The following RANBP17 variants were observed in gnomAD, a reference collection of about 807,000 sequenced individuals.
RANBP17 encodes ran-binding protein 17.
Under a neutral mutation model 141.2 loss-of-function variants are expected in RANBP17, and 158 were observed. The observed-to-expected ratio is 1.12, with a 90% CI of 0.98 to 1.28. The LOEUF (loss-of-function observed/expected upper bound fraction) is 1.28, where lower values mean the gene tolerates loss of function less well. RANBP17 is among the 50% of genes most tolerant of loss of function. The pLI is 0.00. For missense variants in RANBP17, 1,438 were observed against 1,290.7 expected (o/e 1.11, Z -1.75); for synonymous variants, 430 against 450.0 (o/e 0.96, Z 0.56).
In RANBP17 at chr5:170,884,983, C is replaced by CA. The variant is rs578021547; in HGVS notation, c.256+3089dup. On this transcript the variant is annotated intron_variant, in intron 3 of 27. Transcript: ENST00000523189. ...GGTTTCTCCCTTGTGTAAAACTTAG[C>CA]AATTTGTAGGAAACTTTGATCTTTT... 1.4e-3 allele frequency among the ~76,000 whole-genome samples: 214 copies of CA among 152,074 alleles called. 1 individual carries two copies. Among genetic ancestry groups the CA allele is most frequent in the African/African-American group, 4.7e-3 (195 of 41,498 alleles).
Position 170,953,691 on chromosome 5 carries a change from A to T in RANBP17, c.1563A>T (p.Glu521Asp). The change falls in exon 13 of 28, where the codon GAA (glutamate) becomes GAT (aspartate). Residue 521 changes from glutamate to aspartate, a missense_variant. Coordinates refer to ENST00000523189, the MANE Select transcript of RANBP17 (RefSeq NM_022897.5). ...STDEHDAMDGELSCRVFQLIS... is the reference protein window; with the variant it reads ...STDEHDAMDGDLSCRVFQLIS... ...ATGAGCATGATGCTATGGATGGAGA[A>T]TTATCCTGTCGGTAAGTAAGAGCTA... 3.8e-6 allele frequency: 6 copies of T among 1,597,310 alleles called. No homozygotes were observed. The highest frequency in any genetic ancestry group is 5.1e-6 in the Non-Finnish European group (6 of 1,165,854).
intron 14 of RANBP17, among the ~76,000 whole-genome samples, chr5:171,062,130 C>A (rs2127674055): frequency 6.6e-6 from 1 of 151,644 alleles, no homozygotes; most frequent in African/African-American, 2.4e-5. Context: ...CAGTCTGTGT[C>A]TTTTAATTGG....
chr5:171,077,359 CAAGGT>C (rs769242467), intron 14 of RANBP17, among the ~76,000 whole-genome samples: 1 of 151,574 alleles, frequency 6.6e-6, no homozygotes, highest in Non-Finnish European at 1.5e-5. Flanking sequence ...AAGAAGTGTA[CAAGGT>C]AAGTTATGAA....
rs561803481 is a variant in RANBP17 at position 171,034,955 on chromosome 5, G to A, written c.1710+66578G>A. 5.3e-3 allele frequency among the ~76,000 whole-genome samples: 804 copies of A among 152,012 alleles called. 2 individuals are homozygous for A. Among genetic ancestry groups the A allele is most frequent in the Non-Finnish European group, 8.2e-3 (559 of 67,966 alleles). Reference sequence around the variant, plus strand: ...CTCCTGCCTCAGCCTCCTGAGAACTGGGACCATAGGCATGAGCCACCACAG... The same window carrying A: ...CTCCTGCCTCAGCCTCCTGAGAACTAGGACCATAGGCATGAGCCACCACAG... On this transcript the variant is annotated intron_variant, in intron 14 of 27. Transcript: ENST00000523189.
intron 14 of RANBP17, among the ~76,000 whole-genome samples, chr5:171,107,218 C>T (rs1173753905): frequency 1.3e-5 from 2 of 152,190 alleles, no homozygotes; most frequent in Non-Finnish European, 2.9e-5. Context: ...ACATGGTCAG[C>T]CTCACATTCT....
chr5:171,026,915 C>T (rs945869551), intron 14 of RANBP17, among the ~76,000 whole-genome samples: 3 of 152,238 alleles, frequency 2.0e-5, no homozygotes, highest in Admixed American at 6.5e-5. Flanking sequence ...GTGAGCGGTG[C>T]GTGAGAAACA....
At chr5:171,207,879 A>G (rs544625636) in intron 20 of RANBP17, 1 of 152,362 alleles carries the variant, frequency 6.6e-6, no homozygotes, top group South Asian at 2.1e-4. Context: ...AAAAAGCTTT[A>G]TTAAAATATT....
At chr5:170,953,732 T>C in intron 13 of RANBP17, 30 bp downstream of exon 13, 1 of 1,415,872 alleles carries the variant, frequency 7.1e-7, no homozygotes, top group South Asian at 1.2e-5. Flanking sequence ...TTTACTGAAA[T>C]TCACTAAATA....
At chr5:171,247,088 T>G (rs1029700875) in intron 24 of RANBP17, among the ~76,000 whole-genome samples, 1 of 152,180 alleles carries the variant, frequency 6.6e-6, no homozygotes, top group Non-Finnish European at 1.5e-5. Context: ...AAGCTGTGGC[T>G]CAGAGAGGTG....
intron 14 of RANBP17, among the ~76,000 whole-genome samples, chr5:171,092,989 A>C (rs1245965594): frequency 6.6e-6 from 1 of 152,218 alleles, no homozygotes; most frequent in African/African-American, 2.4e-5. Context: ...GTGGGAAGAC[A>C]AGTGTATTGT....
intron 5 of RANBP17, among the ~76,000 whole-genome samples, chr5:170,903,221 C>T (rs1399109759): frequency 1.3e-5 from 2 of 152,242 alleles, no homozygotes; most frequent in African/African-American, 4.8e-5. Context: ...TCTACAGAGG[C>T]AGTCTGGCTA....
At chr5:171,131,761 A>T (rs1756937086) in intron 14 of RANBP17, among the ~76,000 whole-genome samples, 1 of 152,200 alleles carries the variant, frequency 6.6e-6, no homozygotes, top group Admixed American at 6.5e-5. Context: ...CATTTAGAAC[A>T]TTATGGTAAT....
chr5:171,175,426 T>C (rs1356284721), intron 16 of RANBP17, among the ~76,000 whole-genome samples: 1 of 152,152 alleles, frequency 6.6e-6, no homozygotes, highest in Non-Finnish European at 1.5e-5. Flanking sequence ...GCGTTCCTGT[T>C]TCTCCACATC....
chr5:171,080,864 C>T (rs1053132042), intron 14 of RANBP17, among the ~76,000 whole-genome samples: 1 of 152,122 alleles, frequency 6.6e-6, no homozygotes, highest in African/African-American at 2.4e-5. Context: ...CCTTTTGGGG[C>T]ATTTTTGTAT....
At chr5:171,065,977 C>T (rs1034741794) in intron 14 of RANBP17, among the ~76,000 whole-genome samples, 1 of 151,982 alleles carries the variant, frequency 6.6e-6, no homozygotes, top group African/African-American at 2.4e-5. Context: ...TTTCCTGCCC[C>T]AGCCTCCTAA....
intron 14 of RANBP17, among the ~76,000 whole-genome samples, chr5:170,981,275 T>G (rs544996919): frequency 2.0e-5 from 3 of 152,232 alleles, no homozygotes; most frequent in East Asian, 3.9e-4. Context: ...GAGTTAATGC[T>G]GAAATGAGTT....
rs56256100 is a variant in RANBP17, at chr5:170,987,437, G to A, written c.1710+19060G>A. Among the ~76,000 whole-genome samples the A allele has an allele frequency of 7.9e-3, 1,197 of 151,280 alleles. 17 individuals are homozygous for A. The highest frequency in any genetic ancestry group is 0.027 in the African/African-American group (1,131 of 41,372). On this transcript the variant is annotated intron_variant, in intron 14 of 27. Transcript: ENST00000523189. ...GTTAGTGCTTATATTTCAAGTTAAT[G>A]TACATACTGCTAGATAGTTTTATTG...
chr5:171,171,174 A>T, intron 15 of RANBP17, 32 bp from the exon 16 acceptor site: 2 of 1,190,170 alleles, frequency 1.7e-6, no homozygotes, highest in Non-Finnish European at 2.5e-6. Context: ...CAAATATCTT[A>T]CTTATAATTA....
intron 4 of RANBP17, among the ~76,000 whole-genome samples, chr5:170,894,484 TTTTATATATATA>T (rs1431811788): frequency 3.7e-4 from 6 of 16,028 alleles, no homozygotes; most frequent in African/African-American, 6.4e-4. Flanking sequence ...AGTACGTGTT[TTTTATATATATA>T]TATATATATA....
Sources: gnomAD v4.1 joint callset for allele counts (sites outside exome capture counted in the v4.1 genomes callset) on GRCh38, gnomAD v4.1.1 for gene constraint, MANE v1.5 for transcripts, NCBI Gene and HGNC (gene_info 2026-07-23, HGNC 2026-07-21) for gene names.